NDST4: variants seen among roughly 807,000 people sequenced by gnomAD.
The protein encoded by NDST4 is N-deacetylase and N-sulfotransferase 4.
NDST4 carries 63 observed loss-of-function variants against 100.8 expected under a neutral mutation model. That is an observed-to-expected ratio of 0.62 (90% CI 0.51 to 0.77). NDST4 has a LOEUF of 0.77. Among genes scored for constraint, NDST4 ranks in the 30% least tolerant of loss-of-function variants. The pLI is 0.00. For synonymous variants in NDST4, 377 were observed against 361.8 expected (o/e 1.04, Z -0.48); for missense variants, 943 against 1,018.4 (o/e 0.93, Z 1.01).
At chr4:115,039,896 A>C (rs985534385) in intron 2 of NDST4, among the ~76,000 whole-genome samples, 5 of 152,066 alleles carry the variant, frequency 3.3e-5, no homozygotes, top group Non-Finnish European at 5.9e-5. Context: ...AGCTCAAATA[A>C]TTCATTTTCC....
intron 1 of NDST4, among the ~76,000 whole-genome samples, chr4:115,091,327 A>G (rs927933170): frequency 6.6e-6 from 1 of 152,106 alleles, no homozygotes; most frequent in Non-Finnish European, 1.5e-5. Context: ...AAAATTTCTA[A>G]ATATTTGAAT....
At chr4:115,023,850 C>A (rs74483679) in intron 2 of NDST4, among the ~76,000 whole-genome samples, 2,099 of 152,188 alleles carry the variant, frequency 0.014, 43 homozygotes, top group African/African-American at 0.047. Flanking sequence ...TATAGGAGGG[C>A]AGAATGGTTT....
chr4:114,991,524 T>C (rs1312299681), intron 2 of NDST4, among the ~76,000 whole-genome samples: 1 of 152,066 alleles, frequency 6.6e-6, no homozygotes, highest in Non-Finnish European at 1.5e-5. Context: ...GCATGTGATA[T>C]AGGAATACAC....
chr4:115,027,548 G>C (rs1385058514), intron 2 of NDST4, among the ~76,000 whole-genome samples: 1 of 151,858 alleles, frequency 6.6e-6, no homozygotes, highest in Non-Finnish European at 1.5e-5. Flanking sequence ...TTCTCAAACT[G>C]GTCTCTTGAT....
chr4:115,026,632 G>A (rs1047969234), intron 2 of NDST4, among the ~76,000 whole-genome samples: 1 of 151,354 alleles, frequency 6.6e-6, no homozygotes, highest in Non-Finnish European at 1.5e-5. Context: ...TCCAGATGTA[G>A]GAGACTTGTC....
intron 2 of NDST4, among the ~76,000 whole-genome samples, chr4:115,042,586 CT>C (rs1161929942): frequency 6.6e-6 from 1 of 151,914 alleles, no homozygotes; most frequent in African/African-American, 2.4e-5. Context: ...CCGTGTCTAA[CT>C]GATAAATTAA....
At chr4:114,938,644 C>A (rs1465308370) in intron 4 of NDST4, among the ~76,000 whole-genome samples, 1 of 152,176 alleles carries the variant, frequency 6.6e-6, no homozygotes, top group Non-Finnish European at 1.5e-5. Context: ...ATATGGTACA[C>A]AGCATAGGAA....
At chr4:115,011,485 T>C (rs1727544919) in intron 2 of NDST4, among the ~76,000 whole-genome samples, 2 of 151,800 alleles carry the variant, frequency 1.3e-5, no homozygotes, top group Admixed American at 6.6e-5. Context: ...TCCTGCAATC[T>C]CCAGTACTCA....
rs112714073 is a variant in NDST4, at chr4:114,903,628, G to C, written c.1536+31578C>G. On this transcript the variant is annotated intron_variant, in intron 6 of 13. Coordinates refer to ENST00000264363, the MANE Select transcript of NDST4 (RefSeq NM_022569.3). Reference sequence around the variant, plus strand: ...ATGCCCTGTGACTTCACTTCTCCTAGAGCTCTAACAAAAGTTGTTGATTGT... The same window carrying C: ...ATGCCCTGTGACTTCACTTCTCCTACAGCTCTAACAAAAGTTGTTGATTGT... Among the ~76,000 whole-genome samples the C allele has an allele frequency of 7.8e-3, 1,187 of 152,032 alleles. 14 individuals carry two copies. The highest frequency in any genetic ancestry group is 0.028 in the African/African-American group (1,143 of 41,504).
intron 4 of NDST4, among the ~76,000 whole-genome samples, chr4:114,943,057 A>G (rs1183048705): frequency 6.8e-6 from 1 of 147,160 alleles, no homozygotes; most frequent in Non-Finnish European, 1.5e-5. Flanking sequence ...ATATATACAT[A>G]TATTAATTTA....
At chr4:115,009,199 G>A (rs1425482180) in intron 2 of NDST4, among the ~76,000 whole-genome samples, 1 of 127,916 alleles carries the variant, frequency 7.8e-6, no homozygotes, top group Non-Finnish European at 1.7e-5. Context: ...AAGTTCATAT[G>A]GAACCAAAAA....
chr4:114,897,317 T>C lies in NDST4; in HGVS notation c.1537-26367A>G, dbSNP rs576908387. 4.6e-5 allele frequency among the ~76,000 whole-genome samples: 7 copies of C among 152,328 alleles called. No homozygotes were observed. In the South Asian group the frequency reaches 1.4e-3, roughly 32 times the overall value. On this transcript the variant is annotated intron_variant, in intron 6 of 13. Coordinates refer to ENST00000264363, the MANE Select transcript of NDST4 (RefSeq NM_022569.3). Reference sequence around the variant, plus strand: ...TTTTAACCTTTTCCAGAATGTCATATAGTTGAAAATCATACAGCCATTTAA... The same window carrying C: ...TTTTAACCTTTTCCAGAATGTCATACAGTTGAAAATCATACAGCCATTTAA...
In NDST4 at chr4:114,829,792, C is replaced by G; in HGVS notation, c.2497G>C (p.Glu833Gln). ...KGRKYPPMDP[E>Q]SRTFLSNYYR... Reference sequence around the variant, plus strand: ...TTCAAAGATTAAAAAATTATTACCTCTGGATCCATAGGTGGATATTTTCGG... The same window carrying G: ...TTCAAAGATTAAAAAATTATTACCTGTGGATCCATAGGTGGATATTTTCGG... The change falls in exon 13 of 14, where the codon GAG becomes CAG. Residue 833 changes from glutamate (E) to glutamine (Q), a missense_variant and splice_region_variant. By Grantham distance (29) the Glu-to-Gln change is conservative (BLOSUM62 2). Transcript: ENST00000264363. 6.2e-7 allele frequency: 1 copy of G among 1,603,106 alleles called. No homozygotes were observed. Among genetic ancestry groups the G allele is most frequent in the Non-Finnish European group, 8.5e-7 (1 of 1,175,508 alleles).
At chr4:114,839,285 C>A in intron 11 of NDST4, 93 bp downstream of exon 11, 1 of 1,217,314 alleles carries the variant, frequency 8.2e-7, no homozygotes. Flanking sequence ...TCATGATAAG[C>A]AGAAGAAAGT....
chr4:114,867,624 T>C (rs1177388816), intron 7 of NDST4, among the ~76,000 whole-genome samples: 1 of 146,098 alleles, frequency 6.8e-6, no homozygotes, highest in Non-Finnish European at 1.5e-5. Flanking sequence ...TATTGTGGTT[T>C]TGGTTCCCAT....
intron 1 of NDST4, among the ~76,000 whole-genome samples, chr4:115,083,611 T>C (rs1729345562): frequency 1.3e-5 from 2 of 152,188 alleles, no homozygotes; most frequent in Admixed American, 6.5e-5. Flanking sequence ...CCAAATCTCA[T>C]CTTGAATTAC....
At chr4:115,052,473 G>A (rs1157929102) in intron 2 of NDST4, among the ~76,000 whole-genome samples, 1 of 152,044 alleles carries the variant, frequency 6.6e-6, no homozygotes, top group African/African-American at 2.4e-5. Context: ...GTGTGTGGTG[G>A]GAGGGACCTG....
In NDST4 at chr4:115,077,244, C is replaced by T. The variant is rs1358756970; in HGVS notation, c.-208G>A. ...TACGTTGAGGAGATTTTGAATATGT[C>T]CAATACTGAGAATTGCTGCAGAATC... On this transcript the variant is annotated 5_prime_UTR_variant, in exon 2 of 14. An upstream open reading frame in the 5' UTR gains an earlier in-frame stop. Coordinates refer to ENST00000264363, the MANE Select transcript of NDST4 (RefSeq NM_022569.3). The T allele has an allele frequency of 2.3e-6, 1 of 433,622 alleles. No individual in the cohort carries two copies. Among genetic ancestry groups the T allele is most frequent in the Non-Finnish European group, 4.1e-6 (1 of 243,918 alleles). 26.9% of individuals were successfully genotyped at this position (433,622 alleles called of 1,614,324 possible). A position where few individuals can be genotyped will look rare whatever the true frequency, so the allele number is the denominator to read the frequency against.
chr4:114,936,638 T>C (rs1481440742), intron 5 of NDST4, among the ~76,000 whole-genome samples: 2 of 152,150 alleles, frequency 1.3e-5, no homozygotes, highest in Admixed American at 6.5e-5. Flanking sequence ...TCAAAATGAG[T>C]AATATAATGT....
Sources: allele counts gnomAD v4.1 joint callset (sites outside exome capture counted in the v4.1 genomes callset), GRCh38; gene constraint gnomAD v4.1.1; transcripts MANE v1.5; gene names NCBI Gene and HGNC (gene_info 2026-07-23, HGNC 2026-07-21).